The following ZNF407 variants were observed in gnomAD, a reference collection of about 807,000 sequenced individuals.
ZNF407 encodes the protein zinc finger protein 407.
Under a neutral mutation model 131.2 loss-of-function variants are expected in ZNF407, and 17 were observed. The observed-to-expected ratio is 0.13, with a 90% CI of 0.09 to 0.19. The LOEUF is 0.19. ZNF407 is among the 10% of genes least tolerant of loss of function. ZNF407 has a pLI of 1.00. For synonymous variants in ZNF407, 1,156 were observed against 1,062.0 expected, an observed-to-expected ratio of 1.09 and a Z score of -1.72; for missense variants, 2,681 against 2,830.6, an observed-to-expected ratio of 0.95 and a Z score of 1.20.
intron 4 of ZNF407, among the ~76,000 whole-genome samples, chr18:74,874,689 T>A (rs1044173093): frequency 6.6e-6 from 1 of 152,232 alleles, no homozygotes; most frequent in African/African-American, 2.4e-5. Flanking sequence ...AGCCTTCTCT[T>A]ATCTGCCCTG....
intron 1 of ZNF407, among the ~76,000 whole-genome samples, chr18:74,627,706 T>A (rs1983846184): frequency 6.6e-6 from 1 of 152,160 alleles, no homozygotes; most frequent in Admixed American, 6.5e-5. Flanking sequence ...TGTAATCAAA[T>A]AAGGTTGGAA....
At chr18:74,696,189 G>C (rs748104019) in intron 3 of ZNF407, among the ~76,000 whole-genome samples, 5 of 152,224 alleles carry the variant, frequency 3.3e-5, no homozygotes, top group Non-Finnish European at 5.9e-5. Flanking sequence ...GGCTGTTGGA[G>C]TGGTGATGAG....
chr18:74,803,051 A>G (rs1377474236), intron 4 of ZNF407, among the ~76,000 whole-genome samples: 1 of 152,096 alleles, frequency 6.6e-6, no homozygotes, highest in Non-Finnish European at 1.5e-5. Context: ...AAATAATTAT[A>G]TTGAGACTCA....
chr18:75,064,759 CTT>C lies in ZNF407; in HGVS notation c.*292_*293del. 1 of 339,268 alleles carries C rather than the reference CTT, an allele frequency of 2.9e-6. No individual in the cohort carries two copies. Among genetic ancestry groups the C allele is most frequent in the Non-Finnish European group, 5.4e-6 (1 of 185,674 alleles). The allele number at this position is 339,268 out of a possible 1,614,324, so 21.0% of individuals were successfully genotyped here. On this transcript the variant is annotated 3_prime_UTR_variant, in exon 9 of 9. Transcript: ENST00000299687. ...GGGCCCTTCGATCAGTGGCCTCCCG[CTT>C]CGTCCTGGCCGCTGTGCTGAAGAGA...
chr18:74,911,065 G>T (rs1971663796), intron 7 of ZNF407, among the ~76,000 whole-genome samples: 1 of 152,154 alleles, frequency 6.6e-6, no homozygotes, highest in African/African-American at 2.4e-5. Flanking sequence ...GACTTTCGTG[G>T]TGTGTATTAT....
intron 4 of ZNF407, among the ~76,000 whole-genome samples, chr18:74,814,036 G>T (rs936880230): frequency 6.6e-6 from 1 of 152,126 alleles, no homozygotes. Context: ...CATGGCATAA[G>T]GGCATATTTC....
intron 1 of ZNF407, among the ~76,000 whole-genome samples, chr18:74,599,322 C>T (rs1261262231): frequency 6.6e-6 from 1 of 152,018 alleles, no homozygotes; most frequent in Non-Finnish European, 1.5e-5. Context: ...TTTTTTTAAA[C>T]TTTATTTCGG....
chr18:74,860,220 C>T (rs1026585011), intron 4 of ZNF407, among the ~76,000 whole-genome samples: 13 of 151,876 alleles, frequency 8.6e-5, no homozygotes, highest in African/African-American at 3.1e-4. Flanking sequence ...TCCCTTGAGC[C>T]TGGGAGTTCA....
Position 74,634,022 on chromosome 18 carries a change from G to T in ZNF407, c.3003G>T (p.Gln1001His), listed in dbSNP as rs1295136128. 3.7e-6 allele frequency: 6 copies of T among 1,613,914 alleles called. No individual in the cohort carries two copies. The highest frequency in any genetic ancestry group is 1.3e-5 in the African/African-American group (1 of 74,946). Residue 1001 changes from glutamine (Q) to histidine (H), a missense_variant, in exon 2 of 9, where the codon CAG (glutamine) becomes CAT (histidine). This residue lies in a region of ZNF407 where 1,789 missense variants were observed against 1,748.7 expected (regional missense o/e 1.02). Transcript: ENST00000299687. ...CTTCAGAGCCAGAGGACTTCGCCCA[G>T]CCGGGGGATGTGTACTCCCAGAGAG... is the stretch of plus-strand genomic sequence containing the variant. ...QISSEPEDFA[Q>H]PGDVYSQRDV...
chr18:74,789,625 G>A (rs543517996), intron 4 of ZNF407, among the ~76,000 whole-genome samples: 34 of 152,242 alleles, frequency 2.2e-4, no homozygotes, highest in African/African-American at 7.9e-4. Context: ...CTCTGACAGC[G>A]TGCAGTGCAG....
At chr18:75,031,935 A>G (rs887162826) in intron 8 of ZNF407, among the ~76,000 whole-genome samples, 3 of 152,238 alleles carry the variant, frequency 2.0e-5, no homozygotes, top group African/African-American at 7.2e-5. Flanking sequence ...CCAGGAAAAC[A>G]TGTTACCCTT....
intron 4 of ZNF407, among the ~76,000 whole-genome samples, chr18:74,825,393 A>G (rs1970396376): frequency 6.6e-6 from 1 of 152,212 alleles, no homozygotes; most frequent in South Asian, 2.1e-4. Context: ...GAAAAGAGGA[A>G]GTCAAATTTT....
At chr18:75,019,311 G>A (rs866918321) in intron 8 of ZNF407, among the ~76,000 whole-genome samples, 20 of 152,040 alleles carry the variant, frequency 1.3e-4, no homozygotes, top group Admixed American at 2.6e-4. Context: ...ACCCAGCCAG[G>A]GACGAGAAAG....
At chr18:75,001,384 C>T (rs966635) in intron 8 of ZNF407, among the ~76,000 whole-genome samples, 25,276 of 151,982 alleles carry the variant, frequency 0.17, 2,286 homozygotes, top group Admixed American at 0.28. Context: ...ATATGATAAA[C>T]GATATCTATT....
chr18:74,669,595 T>A (rs943993109), intron 3 of ZNF407, among the ~76,000 whole-genome samples: 4 of 152,252 alleles, frequency 2.6e-5, no homozygotes, highest in Admixed American at 1.3e-4. Context: ...AAGTTAGTTA[T>A]TGACCAGGGG....
At chr18:74,672,362 T>C (rs1379631851) in intron 3 of ZNF407, among the ~76,000 whole-genome samples, 1 of 152,238 alleles carries the variant, frequency 6.6e-6, no homozygotes, top group East Asian at 1.9e-4. Flanking sequence ...TCTTGAAATG[T>C]GTCTGTTCGT....
At chr18:74,680,181 A>C (rs984322811) in intron 3 of ZNF407, among the ~76,000 whole-genome samples, 1 of 152,198 alleles carries the variant, frequency 6.6e-6, no homozygotes. Context: ...CATTGAGCCA[A>C]GGAGTTCAAG....
chr18:74,678,462 GC>G (rs1487743943), intron 3 of ZNF407, among the ~76,000 whole-genome samples: 1 of 152,068 alleles, frequency 6.6e-6, no homozygotes, highest in Non-Finnish European at 1.5e-5. Context: ...GCGCACCTAG[GC>G]CCTGATGGCT....
At chr18:74,623,880 T>G (rs546739771) in intron 1 of ZNF407, among the ~76,000 whole-genome samples, 1 of 152,216 alleles carries the variant, frequency 6.6e-6, no homozygotes, top group Admixed American at 6.5e-5. Flanking sequence ...TTGGGTAAGA[T>G]GGATACTTGG....
Sources: allele counts gnomAD v4.1 joint callset (sites outside exome capture counted in the v4.1 genomes callset), GRCh38; gene constraint gnomAD v4.1.1; regional missense constraint gnomAD v4.1.1; transcripts MANE v1.5; gene names NCBI Gene and HGNC (gene_info 2026-07-23, HGNC 2026-07-21).